The following CFDP1 variants were observed in gnomAD, a reference collection of about 807,000 sequenced individuals.
CFDP1 encodes chromatin remodeling protein CFDP1.
A neutral mutation model predicts 40.1 loss-of-function variants in CFDP1; 31 were observed. That is an observed-to-expected ratio of 0.77 (90% CI 0.58 to 1.04). CFDP1 has a LOEUF of 1.04. Among genes scored for constraint, CFDP1 ranks in the 50% least tolerant of loss-of-function variants. CFDP1 has a pLI of 0.00. For missense variants in CFDP1, 423 were observed against 343.4 expected (o/e 1.23, Z -1.83); for synonymous variants, 167 against 120.0 (o/e 1.39, Z -2.56).
At chr16:75,318,249 T>C (rs2078337667) in intron 5 of CFDP1, among the ~76,000 whole-genome samples, 1 of 152,074 alleles carries the variant, frequency 6.6e-6, no homozygotes, top group South Asian at 2.1e-4. Context: ...CTCATGAACA[T>C]TCCCCTGATC....
intron 5 of CFDP1, among the ~76,000 whole-genome samples, chr16:75,335,651 G>A (rs2078482334): frequency 6.6e-6 from 1 of 151,448 alleles, no homozygotes; most frequent in African/African-American, 2.4e-5. Flanking sequence ...CCGCCTCCCG[G>A]GTTCACGCCA....
chr16:75,357,974 T>C (rs765520026), intron 5 of CFDP1, among the ~76,000 whole-genome samples: 2 of 152,210 alleles, frequency 1.3e-5, no homozygotes, highest in Non-Finnish European at 2.9e-5. Context: ...ACTTGAACAC[T>C]TAGAGGTCAC....
intron 4 of CFDP1, among the ~76,000 whole-genome samples, chr16:75,399,038 C>A (rs567837877): frequency 3.8e-4 from 46 of 121,788 alleles, no homozygotes; most frequent in Admixed American, 1.2e-3. Context: ...GCCTGGGAGA[C>A]AGAGCGAGAC....
chr16:75,344,693 G>A (rs2078549847), intron 5 of CFDP1, among the ~76,000 whole-genome samples: 1 of 152,172 alleles, frequency 6.6e-6, no homozygotes, highest in African/African-American at 2.4e-5. Context: ...CAGCACTTTA[G>A]GAGGCCCAGA....
intron 4 of CFDP1, among the ~76,000 whole-genome samples, chr16:75,403,741 C>T (rs1369018124): frequency 2.0e-5 from 3 of 152,190 alleles, no homozygotes; most frequent in Non-Finnish European, 4.4e-5. Flanking sequence ...AAAGTTTATA[C>T]TGTCAGCGTT....
At chr16:75,399,128 G>C (rs191969106) in intron 4 of CFDP1, among the ~76,000 whole-genome samples, 1 of 150,740 alleles carries the variant, frequency 6.6e-6, no homozygotes, top group Non-Finnish European at 1.5e-5. Context: ...GATTACAACT[G>C]TACAAGAGAC....
At chr16:75,330,553 C>T (rs920849421) in intron 5 of CFDP1, among the ~76,000 whole-genome samples, 47 of 152,182 alleles carry the variant, frequency 3.1e-4, no homozygotes, top group African/African-American at 1.1e-3. Flanking sequence ...AGCACCAGTG[C>T]ACTCCAGCCT....
At chr16:75,359,164 G>A (rs900448504) in intron 5 of CFDP1, among the ~76,000 whole-genome samples, 5 of 152,094 alleles carry the variant, frequency 3.3e-5, no homozygotes, top group East Asian at 3.8e-4. Context: ...TCGATTAAGC[G>A]AGATATTAAA....
At chr16:75,313,865 G>A (rs994686103) in intron 5 of CFDP1, among the ~76,000 whole-genome samples, 1 of 150,838 alleles carries the variant, frequency 6.6e-6, no homozygotes, top group Non-Finnish European at 1.5e-5. Context: ...AGAGTCAAAT[G>A]AGTGAGTGTT....
At chr16:75,348,004 CAACT>C (rs1346212057) in intron 5 of CFDP1, among the ~76,000 whole-genome samples, 2 of 152,170 alleles carry the variant, frequency 1.3e-5, no homozygotes, top group Non-Finnish European at 2.9e-5. Flanking sequence ...GGAGACATGA[CAACT>C]AACTAAATGT....
At chr16:75,367,807 A>AG (rs1229674446) in intron 5 of CFDP1, among the ~76,000 whole-genome samples, 1 of 151,496 alleles carries the variant, frequency 6.6e-6, no homozygotes, top group Non-Finnish European at 1.5e-5. Flanking sequence ...AAAAAAAAAA[A>AG]AAAACTTAAC....
At chr16:75,318,196 CTG>C (rs1409235014) in intron 5 of CFDP1, among the ~76,000 whole-genome samples, 2 of 152,144 alleles carry the variant, frequency 1.3e-5, no homozygotes, top group African/African-American at 2.4e-5. Context: ...TCTGCTGTGA[CTG>C]TGACTGGTCT....
chr16:75,302,471 C>G (rs1947042851), intron 6 of CFDP1, among the ~76,000 whole-genome samples: 2 of 152,220 alleles, frequency 1.3e-5, no homozygotes, highest in African/African-American at 4.8e-5. Flanking sequence ...GTTGCCCAGG[C>G]TGGTCCTGAG....
chr16:75,397,670 T>A (rs1485748490), intron 4 of CFDP1, among the ~76,000 whole-genome samples: 1 of 151,956 alleles, frequency 6.6e-6, no homozygotes, highest in East Asian at 1.9e-4. Flanking sequence ...CCGGGCATAG[T>A]GGCAGGTACA....
At chr16:75,349,698 T>TATATATATATATATACACAC (rs146824267) in intron 5 of CFDP1, among the ~76,000 whole-genome samples, 4 of 47,898 alleles carry the variant, frequency 8.4e-5, no homozygotes, top group African/African-American at 3.3e-4. Flanking sequence ...AAAATATATA[T>TATATATATATATATACACAC]ACATACATAT....
intron 5 of CFDP1, among the ~76,000 whole-genome samples, chr16:75,383,090 A>G (rs975798337): frequency 9.2e-5 from 14 of 152,214 alleles, no homozygotes; most frequent in Non-Finnish European, 1.9e-4. Flanking sequence ...CCATATCCTC[A>G]ATGATGGGAA....
At chr16:75,420,291 T>C (rs984631825) in intron 1 of CFDP1, among the ~76,000 whole-genome samples, 8 of 152,206 alleles carry the variant, frequency 5.3e-5, no homozygotes, top group Non-Finnish European at 1.0e-4. Context: ...ATCAACCAGA[T>C]ATTGTGTCTT....
intron 5 of CFDP1, among the ~76,000 whole-genome samples, chr16:75,362,566 T>C (rs1048458290): frequency 2.0e-5 from 3 of 152,202 alleles, no homozygotes; most frequent in Admixed American, 1.3e-4. Flanking sequence ...CAAGAAACCA[T>C]GTAACATAAT....
chr16:75,413,427 G>C (rs865999960), intron 2 of CFDP1, among the ~76,000 whole-genome samples: 70 of 152,090 alleles, frequency 4.6e-4, no homozygotes, highest in African/African-American at 1.6e-3. Context: ...GGGCATGTTG[G>C]TGGGTGCCTA....
Sources: allele counts gnomAD v4.1 joint callset (sites outside exome capture counted in the v4.1 genomes callset), GRCh38; gene constraint gnomAD v4.1.1; transcripts MANE v1.5; gene names NCBI Gene and HGNC (gene_info 2026-07-23, HGNC 2026-07-21).